The following GRIK2 variants were observed in gnomAD, a reference collection of about 807,000 sequenced individuals.
GRIK2 encodes the protein glutamate ionotropic receptor kainate type subunit 2, also known as glutamate receptor ionotropic, kainate 2.
In GRIK2, 32 loss-of-function variants were observed where a neutral mutation model predicts 100.3. The observed-to-expected ratio is 0.32, with a 90% CI of 0.24 to 0.43. The LOEUF is 0.43. GRIK2 is among the 20% of genes least tolerant of loss of function. The pLI is 1.00. For missense variants in GRIK2, 843 were observed against 1,114.9 expected, an observed-to-expected ratio of 0.76 and a Z score of 3.47; for synonymous variants, 417 against 389.4, an observed-to-expected ratio of 1.07 and a Z score of -0.83.
At chr6:101,589,558 T>G (rs1778544216) in intron 2 of GRIK2, among the ~76,000 whole-genome samples, 1 of 152,262 alleles carries the variant, frequency 6.6e-6, no homozygotes, top group African/African-American at 2.4e-5. Flanking sequence ...GTCATATTTA[T>G]TTTTCTGTGC....
At chr6:102,015,948 T>C (rs554362571) in intron 14 of GRIK2, among the ~76,000 whole-genome samples, 1 of 152,198 alleles carries the variant, frequency 6.6e-6, no homozygotes, top group East Asian at 1.9e-4. Context: ...TGAACCCACC[T>C]TATATCACAA....
intron 5 of GRIK2, among the ~76,000 whole-genome samples, chr6:101,679,338 A>T (rs1771073663): frequency 6.6e-6 from 1 of 152,196 alleles, no homozygotes; most frequent in African/African-American, 2.4e-5. Flanking sequence ...ATCTGCCTAG[A>T]TAACTGCATG....
intron 10 of GRIK2, among the ~76,000 whole-genome samples, chr6:101,841,644 G>C (rs557613206): frequency 6.6e-6 from 1 of 152,102 alleles, no homozygotes; most frequent in African/African-American, 2.4e-5. Context: ...GATTACAAGC[G>C]TGAGCCACCC....
intron 10 of GRIK2, among the ~76,000 whole-genome samples, chr6:101,850,076 T>C (rs2128439387): frequency 1.3e-5 from 2 of 152,162 alleles, no homozygotes; most frequent in East Asian, 3.9e-4. Flanking sequence ...TTCACCACAA[T>C]GCTCTAAAAC....
intron 4 of GRIK2, among the ~76,000 whole-genome samples, chr6:101,631,168 G>A (rs1417800954): frequency 5.3e-5 from 8 of 152,094 alleles, no homozygotes; most frequent in Non-Finnish European, 1.0e-4. Flanking sequence ...AAAAATGATG[G>A]AAAAGAATTG....
At chr6:101,549,423 T>C (rs1680329168) in intron 2 of GRIK2, among the ~76,000 whole-genome samples, 2 of 152,118 alleles carry the variant, frequency 1.3e-5, no homozygotes, top group African/African-American at 4.8e-5. Context: ...GGTGGGCTCA[T>C]TGGCAGATCT....
At chr6:101,617,732 CT>C (rs1779962039) in intron 2 of GRIK2, among the ~76,000 whole-genome samples, 1 of 151,620 alleles carries the variant, frequency 6.6e-6, no homozygotes, top group Admixed American at 6.6e-5. Flanking sequence ...TTCAACTTAT[CT>C]TTTGGGGAAT....
chr6:101,633,020 C>T (rs772896935), intron 4 of GRIK2, among the ~76,000 whole-genome samples: 1 of 152,036 alleles, frequency 6.6e-6, no homozygotes, highest in Non-Finnish European at 1.5e-5. Context: ...GCCAGTTTGT[C>T]AGGAAATTGC....
intron 14 of GRIK2, among the ~76,000 whole-genome samples, chr6:102,006,925 AAAT>A (rs1201049315): frequency 3.3e-5 from 5 of 152,102 alleles, no homozygotes; most frequent in Non-Finnish European, 7.4e-5. Flanking sequence ...TTTTAAATGG[AAAT>A]AATTAATATT....
chr6:101,652,956 G>A (rs1428388556), intron 4 of GRIK2, among the ~76,000 whole-genome samples: 1 of 152,092 alleles, frequency 6.6e-6, no homozygotes, highest in African/African-American at 2.4e-5. Flanking sequence ...TACATATCAC[G>A]TAGCCAAGAA....
At chr6:101,595,698 A>ATATGTG (rs371343225) in intron 2 of GRIK2, among the ~76,000 whole-genome samples, 38 of 136,718 alleles carry the variant, frequency 2.8e-4, no homozygotes, top group African/African-American at 9.2e-4. Context: ...GTATATATAT[A>ATATGTG]TGTGTGTGTG....
At chr6:101,729,007 T>G (rs775632711) in intron 7 of GRIK2, among the ~76,000 whole-genome samples, 6 of 152,038 alleles carry the variant, frequency 3.9e-5, no homozygotes, top group Non-Finnish European at 4.4e-5. Context: ...ACTAAATATA[T>G]TAAGAAGCCT....
At chr6:102,010,704 T>G (rs940691141) in intron 14 of GRIK2, among the ~76,000 whole-genome samples, 1 of 151,454 alleles carries the variant, frequency 6.6e-6, no homozygotes, top group Non-Finnish European at 1.5e-5. Context: ...TCTTAACCCA[T>G]AACAATCACT....
chr6:101,737,129 TTGGTTAA>T (rs1423498912), intron 7 of GRIK2, among the ~76,000 whole-genome samples: 2 of 152,054 alleles, frequency 1.3e-5, no homozygotes, highest in East Asian at 3.9e-4. Context: ...TATCAGGATT[TTGGTTAA>T]AGCCATTCAA....
intron 2 of GRIK2, among the ~76,000 whole-genome samples, chr6:101,473,782 C>T (rs1469197528): frequency 6.6e-6 from 1 of 151,690 alleles, no homozygotes; most frequent in Admixed American, 6.6e-5. Flanking sequence ...AAGTAAAACA[C>T]ATTCATAGCT....
At chr6:101,851,618 C>T (rs1325330006) in intron 10 of GRIK2, among the ~76,000 whole-genome samples, 1 of 151,526 alleles carries the variant, frequency 6.6e-6, no homozygotes. Context: ...AAAAGGTGTG[C>T]TTTTATTTAG....
chr6:101,481,327 G>A (rs990386), intron 2 of GRIK2, among the ~76,000 whole-genome samples: 64,535 of 151,890 alleles, frequency 0.42, 14,088 homozygotes, highest in Non-Finnish European at 0.47. Context: ...TCCAAAAGGA[G>A]CCCTCATATT....
intron 2 of GRIK2, among the ~76,000 whole-genome samples, chr6:101,590,516 T>C (rs1778593659): frequency 6.6e-6 from 1 of 152,020 alleles, no homozygotes. Context: ...CTCCATCCCA[T>C]GGGATTCAGA....
chr6:101,699,549 G>A (rs185161278), intron 7 of GRIK2, among the ~76,000 whole-genome samples: 1 of 152,080 alleles, frequency 6.6e-6, no homozygotes, highest in Non-Finnish European at 1.5e-5. Context: ...CTCCACTTGA[G>A]CATCCTCAGT....
Sources: gnomAD v4.1 joint callset for allele counts (sites outside exome capture counted in the v4.1 genomes callset) on GRCh38, gnomAD v4.1.1 for gene constraint, MANE v1.5 for transcripts, NCBI Gene and HGNC (gene_info 2026-07-23, HGNC 2026-07-21) for gene names.